SLC9A7: variants seen among roughly 807,000 people sequenced by gnomAD.
SLC9A7 encodes sodium/hydrogen exchanger 7.
SLC9A7 carries 19 observed loss-of-function variants against 52.6 expected under a neutral mutation model. The observed-to-expected ratio is 0.36, with a 90% CI of 0.25 to 0.53. The LOEUF (loss-of-function observed/expected upper bound fraction) is 0.53, where lower values mean the gene tolerates loss of function less well. SLC9A7 is among the 20% of genes least tolerant of loss of function. The pLI is 0.91. For synonymous variants in SLC9A7, 226 were observed against 252.1 expected (o/e 0.90, Z 0.98); for missense variants, 455 against 597.9 (o/e 0.76, Z 2.49).
At chrX:46,758,154 A>G (rs1922816557) in intron 1 of SLC9A7, among the ~76,000 whole-genome samples, 1 of 111,145 alleles carries the variant, frequency 9.0e-6, no homozygotes, top group Non-Finnish European at 1.9e-5. Flanking sequence ...CTTTCACCAC[A>G]CTTCATGCTC....
At chrX:46,677,229 C>G (rs1014592504) in intron 3 of SLC9A7, among the ~76,000 whole-genome samples, 1 of 112,100 alleles carries the variant, frequency 8.9e-6, no homozygotes, top group Non-Finnish European at 1.9e-5. Flanking sequence ...TCTTGCTCCT[C>G]TAGCCTCCAT....
chrX:46,708,966 CA>C (rs1569521470), intron 1 of SLC9A7, among the ~76,000 whole-genome samples: 2 of 111,413 alleles, frequency 1.8e-5, no homozygotes, highest in African/African-American at 3.3e-5. Flanking sequence ...TACATTCTAG[CA>C]GGGGGAAAGA....
intron 5 of SLC9A7, 145 bp from the exon 6 acceptor site, chrX:46,662,788 C>T: frequency 2.3e-6 from 1 of 442,601 alleles, no homozygotes. Flanking sequence ...ACTTATCTAT[C>T]TGTGGCAGAA....
intron 1 of SLC9A7, among the ~76,000 whole-genome samples, chrX:46,728,574 A>G (rs1273632571): frequency 8.9e-6 from 1 of 112,431 alleles, no homozygotes; most frequent in Non-Finnish European, 1.9e-5. Context: ...TCTTCTAAAA[A>G]TGATTGCCAG....
chrX:46,744,095 T>C (rs1360437797), intron 1 of SLC9A7, among the ~76,000 whole-genome samples: 1 of 112,823 alleles, frequency 8.9e-6, no homozygotes, highest in East Asian at 2.8e-4. Flanking sequence ...GTGTTCTCCA[T>C]TCCCACGGTT....
chrX:46,744,783 G>C lies in SLC9A7; in HGVS notation c.325+13922C>G, dbSNP rs143132802. Among the ~76,000 whole-genome samples the C allele has an allele frequency of 7.2e-3, 801 of 111,840 alleles. 3 individuals carry two copies. Among genetic ancestry groups the C allele is most frequent in the Middle Eastern group, 0.019 (4 of 213 alleles). On this transcript the variant is annotated intron_variant, in intron 1 of 16. Transcript: ENST00000616978. ...TTTTAAAAATACCGTGTTTGGTAAA[G>C]AGCATTAGCAAAATAGCAGAGTAGA...
At chrX:46,625,401 C>T (rs1045602696) in intron 14 of SLC9A7, among the ~76,000 whole-genome samples, 5 of 110,389 alleles carry the variant, frequency 4.5e-5, no homozygotes, top group African/African-American at 9.9e-5. Flanking sequence ...AGGACAATCA[C>T]GTGGGCCCTT....
At chrX:46,643,115 A>G in intron 12 of SLC9A7, 121 bp downstream of exon 12, 1 of 650,575 alleles carries the variant, frequency 1.5e-6, no homozygotes, top group Non-Finnish European at 2.2e-6. Context: ...CCCCTCACAA[A>G]CAAAACCAAA....
chrX:46,612,331 C>T (rs1223664955), intron 16 of SLC9A7, among the ~76,000 whole-genome samples: 3 of 111,612 alleles, frequency 2.7e-5, no homozygotes, highest in African/African-American at 9.8e-5. Flanking sequence ...TCCTCTACTC[C>T]TTCCACGTGG....
intron 1 of SLC9A7, among the ~76,000 whole-genome samples, chrX:46,756,218 A>G (rs1922658426): frequency 9.0e-6 from 1 of 111,673 alleles, no homozygotes; most frequent in Admixed American, 9.5e-5. Context: ...CACAGTGGAT[A>G]CTTTAAAAAT....
chrX:46,667,234 C>A (rs950697228), intron 5 of SLC9A7, among the ~76,000 whole-genome samples: 2 of 111,368 alleles, frequency 1.8e-5, no homozygotes, highest in African/African-American at 6.5e-5. Context: ...CCAGGCCACC[C>A]GATCAGTGAT....
At chrX:46,701,452 T>C (rs760156965) in intron 1 of SLC9A7, among the ~76,000 whole-genome samples, 1 of 111,020 alleles carries the variant, frequency 9.0e-6, no homozygotes, top group Admixed American at 9.6e-5. Context: ...CTGGGCACAG[T>C]GGCACATGCC....
At chrX:46,687,021 T>C (rs1944306025) in intron 1 of SLC9A7, among the ~76,000 whole-genome samples, 1 of 112,014 alleles carries the variant, frequency 8.9e-6, no homozygotes, top group Non-Finnish European at 1.9e-5. Flanking sequence ...GGTAGTATGA[T>C]GAAGGAATAT....
At chrX:46,665,007 A>G (rs1041635120) in intron 5 of SLC9A7, among the ~76,000 whole-genome samples, 3 of 111,403 alleles carry the variant, frequency 2.7e-5, no homozygotes, top group Admixed American at 9.6e-5. Context: ...CTCACAAAAC[A>G]GGTCAGGAAC....
At chrX:46,640,513 C>T (rs893847840) in intron 12 of SLC9A7, among the ~76,000 whole-genome samples, 1 of 111,210 alleles carries the variant, frequency 9.0e-6, no homozygotes, top group Non-Finnish European at 1.9e-5. Context: ...GACATGATAC[C>T]AAATGCATGA....
At chrX:46,750,741 AAC>A (rs1276743456) in intron 1 of SLC9A7, among the ~76,000 whole-genome samples, 1 of 112,291 alleles carries the variant, frequency 8.9e-6, no homozygotes, top group African/African-American at 3.2e-5. Flanking sequence ...GTGCTCAATA[AAC>A]AGTTACTATT....
At chrX:46,748,853 A>C (rs1270243452) in intron 1 of SLC9A7, among the ~76,000 whole-genome samples, 3 of 110,255 alleles carry the variant, frequency 2.7e-5, no homozygotes, top group South Asian at 7.8e-4. Flanking sequence ...GCAATAAAAA[A>C]TCTTTGGAAA....
chrX:46,672,494 G>T, intron 4 of SLC9A7, 57 bp downstream of exon 4: 1 of 929,125 alleles, frequency 1.1e-6, no homozygotes, highest in Non-Finnish European at 1.6e-6. Context: ...GGACCCAAAT[G>T]GATCTCATCC....
chrX:46,742,448 G>A (rs1471998455), intron 1 of SLC9A7, among the ~76,000 whole-genome samples: 2 of 109,199 alleles, frequency 1.8e-5, no homozygotes, highest in African/African-American at 3.3e-5. Flanking sequence ...CCTAATTATA[G>A]ATACATGCAA....
Sources: gnomAD v4.1 joint callset for allele counts (sites outside exome capture counted in the v4.1 genomes callset) on GRCh38, gnomAD v4.1.1 for gene constraint, MANE v1.5 for transcripts, NCBI Gene and HGNC (gene_info 2026-07-23, HGNC 2026-07-21) for gene names.